Variants in LPP observed in about 807,000 individuals in gnomAD.
LPP encodes LIM domain containing preferred translocation partner in lipoma, also known as lipoma-preferred partner.
A neutral mutation model predicts 60.4 loss-of-function variants in LPP; 38 were observed. That is an observed-to-expected ratio of 0.63 (90% CI 0.49 to 0.83). The LOEUF is 0.83. Ranked by LOEUF, LPP falls within the 40% of genes least tolerant of loss-of-function variation. The pLI is 0.00. For missense variants in LPP, 902 were observed against 783.6 expected (o/e 1.15, Z -1.80); for synonymous variants, 328 against 290.8 (o/e 1.13, Z -1.30).
At chr3:188,652,553 C>G (rs1482021069) in intron 7 of LPP, among the ~76,000 whole-genome samples, 2 of 151,776 alleles carry the variant, frequency 1.3e-5, no homozygotes, top group African/African-American at 4.8e-5. Flanking sequence ...CAAAAAAAAC[C>G]CTTTTCTCTT....
At chr3:188,509,661 C>T (rs1234338630) in intron 5 of LPP, among the ~76,000 whole-genome samples, 1 of 34,130 alleles carries the variant, frequency 2.9e-5, no homozygotes, top group East Asian at 6.6e-4. Context: ...TTCCTTCCTT[C>T]CTTCCTTCCT....
chr3:188,713,389 GAA>G (rs34959281), intron 8 of LPP, among the ~76,000 whole-genome samples: 7 of 144,608 alleles, frequency 4.8e-5, no homozygotes, highest in Non-Finnish European at 9.1e-5. Flanking sequence ...AATTCTGGAT[GAA>G]AAAAAAAAAA....
chr3:188,612,094 A>T (rs1843833895), intron 7 of LPP, among the ~76,000 whole-genome samples: 1 of 152,210 alleles, frequency 6.6e-6, no homozygotes, highest in South Asian at 2.1e-4. Flanking sequence ...TGTTATTTTT[A>T]AAATTTTTGA....
chr3:188,588,921 T>G (rs942425928), intron 6 of LPP, among the ~76,000 whole-genome samples: 2 of 152,116 alleles, frequency 1.3e-5, no homozygotes, highest in Non-Finnish European at 2.9e-5. Context: ...CATCTGGAAC[T>G]TTCATACACT....
chr3:188,701,349 A>G (rs1292821878), intron 7 of LPP, among the ~76,000 whole-genome samples: 1 of 152,240 alleles, frequency 6.6e-6, no homozygotes, highest in African/African-American at 2.4e-5. Context: ...GGAATGGCAA[A>G]GAAGAACCAG....
At chr3:188,634,967 C>T (rs555363431) in intron 7 of LPP, among the ~76,000 whole-genome samples, 4 of 151,982 alleles carry the variant, frequency 2.6e-5, no homozygotes, top group Non-Finnish European at 2.9e-5. Flanking sequence ...CCACTGGCAT[C>T]GAGGATAGAA....
rs578233560 is a variant in LPP, at chr3:188,506,002, G to A, written c.307-18663G>A. Among the ~76,000 whole-genome samples, 13 of 152,042 alleles carry A rather than the reference G, an allele frequency of 8.6e-5. No individual in the cohort carries two copies. In the East Asian group the frequency reaches 1.5e-3, roughly 18 times the overall value. On this transcript the variant is annotated intron_variant, in intron 5 of 11. Transcript: ENST00000617246. ...TCCTTGCTCTTTTGAAGCTCATATCGTCATTGTCAGCTTCATATGCCAAGC... is the reference window on the plus strand; with the variant it reads ...TCCTTGCTCTTTTGAAGCTCATATCATCATTGTCAGCTTCATATGCCAAGC...
chr3:188,858,499 C>T (rs1477505431), intron 9 of LPP, among the ~76,000 whole-genome samples: 2 of 152,048 alleles, frequency 1.3e-5, no homozygotes, highest in Admixed American at 6.6e-5. Flanking sequence ...TTTTCTTTTC[C>T]GATTTAGTAA....
At chr3:188,494,818 C>T (rs1809458277) in intron 5 of LPP, among the ~76,000 whole-genome samples, 1 of 151,840 alleles carries the variant, frequency 6.6e-6, no homozygotes, top group African/African-American at 2.4e-5. Context: ...TTCTGTGGCC[C>T]ACTTAAATCC....
chr3:188,240,725 C>T (rs567852850), intron 2 of LPP, among the ~76,000 whole-genome samples: 24 of 152,176 alleles, frequency 1.6e-4, no homozygotes, highest in Admixed American at 5.9e-4. Context: ...GGGATTCTTC[C>T]CTCAGACATG....
chr3:188,304,521 C>T (rs1324118144), intron 2 of LPP, among the ~76,000 whole-genome samples: 3 of 152,278 alleles, frequency 2.0e-5, no homozygotes, highest in East Asian at 1.9e-4. Context: ...CTTTAAATCT[C>T]ACAGCTTTTT....
intron 5 of LPP, among the ~76,000 whole-genome samples, chr3:188,511,580 T>C (rs371875113): frequency 3.3e-5 from 5 of 151,992 alleles, no homozygotes; most frequent in South Asian, 2.1e-4. Context: ...CCTAATGTCA[T>C]GCAAAGTGCT....
intron 6 of LPP, among the ~76,000 whole-genome samples, chr3:188,571,893 C>T (rs1424094393): frequency 6.6e-6 from 1 of 151,970 alleles, no homozygotes; most frequent in Non-Finnish European, 1.5e-5. Context: ...ATTCTGAGAC[C>T]GATTCACATG....
At chr3:188,283,705 C>T (rs1231410603) in intron 2 of LPP, among the ~76,000 whole-genome samples, 1 of 152,146 alleles carries the variant, frequency 6.6e-6, no homozygotes, top group African/African-American at 2.4e-5. Flanking sequence ...ACATGTTTGA[C>T]ATGGGGCCTT....
intron 8 of LPP, among the ~76,000 whole-genome samples, chr3:188,725,658 G>A (rs1434805538): frequency 2.0e-5 from 3 of 152,122 alleles, no homozygotes; most frequent in Non-Finnish European, 2.9e-5. Context: ...ATTATTGAAG[G>A]CCTATGATAT....
intron 9 of LPP, among the ~76,000 whole-genome samples, chr3:188,769,470 C>A (rs1223327248): frequency 6.6e-6 from 1 of 152,176 alleles, no homozygotes; most frequent in African/African-American, 2.4e-5. Flanking sequence ...GTGGATTGCC[C>A]AGAACAACAA....
intron 2 of LPP, among the ~76,000 whole-genome samples, chr3:188,321,248 A>G (rs941817269): frequency 1.3e-5 from 2 of 152,246 alleles, no homozygotes; most frequent in Non-Finnish European, 1.5e-5. Context: ...GATGTGCTGT[A>G]TAATATGGCA....
At chr3:188,538,487 G>A (rs1049991560) in intron 6 of LPP, among the ~76,000 whole-genome samples, 2 of 152,124 alleles carry the variant, frequency 1.3e-5, no homozygotes, top group African/African-American at 4.8e-5. Context: ...AAACCACAAC[G>A]AGATATCACT....
intron 7 of LPP, among the ~76,000 whole-genome samples, chr3:188,673,387 C>T (rs1185025517): frequency 2.0e-5 from 3 of 152,014 alleles, no homozygotes; most frequent in African/African-American, 7.2e-5. Flanking sequence ...TGGTATTCAT[C>T]CACATCAATA....
Sources: gnomAD v4.1 joint callset for allele counts (sites outside exome capture counted in the v4.1 genomes callset) on GRCh38, gnomAD v4.1.1 for gene constraint, MANE v1.5 for transcripts, NCBI Gene and HGNC (gene_info 2026-07-23, HGNC 2026-07-21) for gene names.